The following DAB1 variants were observed in gnomAD, a reference collection of about 807,000 sequenced individuals.
DAB1 encodes DAB adaptor protein 1, also known as disabled homolog 1.
DAB1 carries 15 observed loss-of-function variants against 64.6 expected under a neutral mutation model. The ratio of observed to expected loss-of-function variants is 0.23; its 90% CI spans 0.16 to 0.36. The LOEUF (loss-of-function observed/expected upper bound fraction) is 0.36. Ranked by LOEUF, DAB1 falls within the 10% of genes least tolerant of loss-of-function variation. The pLI, the probability that DAB1 is intolerant of heterozygous loss-of-function variation, is 1.00. For synonymous variants in DAB1, 235 were observed against 251.9 expected, an observed-to-expected ratio of 0.93 and a Z score of 0.64; for missense variants, 596 against 706.7, an observed-to-expected ratio of 0.84 and a Z score of 1.78.
At chr1:58,406,780 T>C (rs1644620167) in intron 3 of DAB1, among the ~76,000 whole-genome samples, 2 of 150,748 alleles carry the variant, frequency 1.3e-5, no homozygotes, top group South Asian at 4.3e-4. Flanking sequence ...GTAAAGAATG[T>C]TTCTTAGTGG....
At chr1:57,019,901 C>T (rs549241724) in intron 11 of DAB1, among the ~76,000 whole-genome samples, 120 of 152,038 alleles carry the variant, frequency 7.9e-4, no homozygotes, top group Middle Eastern at 3.4e-3. Flanking sequence ...GGGGATGCCC[C>T]CATTATTTGA....
chr1:57,324,210 G>T lies in DAB1; in HGVS notation c.-136-33044C>A, dbSNP rs1218327398. 1.3e-5 allele frequency among the ~76,000 whole-genome samples: 2 copies of T among 152,322 alleles called. 1 individual carries two copies. Among genetic ancestry groups the T allele is most frequent in the Non-Finnish European group, 2.9e-5 (2 of 68,028 alleles). On this transcript the variant is annotated intron_variant, in intron 1 of 14. Transcript: ENST00000371236. The stretch of plus-strand genomic sequence containing the variant: ...GGGCTCCACCAGAGCCAGGTGAACC[G>T]TTAAGTGAACCAATCTAAACTTTAT...
At chr1:57,542,609 C>G (rs1570610949) in intron 7 of DAB1, among the ~76,000 whole-genome samples, 2 of 151,748 alleles carry the variant, frequency 1.3e-5, no homozygotes, top group Non-Finnish European at 2.9e-5. Flanking sequence ...GGCCAGAGAC[C>G]TTGGATTTAT....
chr1:57,677,079 T>G (rs1050527281), intron 6 of DAB1, among the ~76,000 whole-genome samples: 2 of 152,062 alleles, frequency 1.3e-5, no homozygotes, highest in African/African-American at 4.8e-5. Context: ...AGGAACAGTG[T>G]CCTTATAAGA....
chr1:58,499,531 A>C (rs2100401481), intron 3 of DAB1, among the ~76,000 whole-genome samples: 1 of 90,926 alleles, frequency 1.1e-5, no homozygotes, highest in African/African-American at 4.3e-5. Flanking sequence ...GATAGATATT[A>C]AAAAGTATAA....
intron 4 of DAB1, among the ~76,000 whole-genome samples, chr1:58,199,231 A>T (rs1353859250): frequency 6.6e-6 from 1 of 152,224 alleles, no homozygotes; most frequent in Non-Finnish European, 1.5e-5. Flanking sequence ...ACTGGTCTTG[A>T]TGATGTCTTG....
chr1:57,871,829 G>T (rs1643955083), intron 1 of DAB1, among the ~76,000 whole-genome samples: 1 of 152,132 alleles, frequency 6.6e-6, no homozygotes, highest in Non-Finnish European at 1.5e-5. Context: ...ATGGGTATGT[G>T]TGTATAAAAC....
Position 57,369,652 on chromosome 1 carries a change from G to T in DAB1, c.-137+54278C>A, listed in dbSNP as rs542996033. ...TCTTCAACAGTCTTGTACTCTCAGA[G>T]GTGGCACAACTTCTGAGCTTGGACT... On this transcript the variant is annotated intron_variant, in intron 1 of 14. Transcript: ENST00000371236. Among the ~76,000 whole-genome samples the T allele has an allele frequency of 2.0e-5, 3 of 152,244 alleles. No homozygotes were observed. In the East Asian group the frequency reaches 5.8e-4, roughly 29 times the overall value.
intron 4 of DAB1, chr1:58,228,706 G>A: frequency 8.8e-7 from 1 of 1,138,224 alleles, no homozygotes; most frequent in Non-Finnish European, 1.3e-6. Flanking sequence ...GCCTTGCCCT[G>A]GGGTTCTTGG....
At chr1:57,941,728 G>A (rs553747123) in intron 5 of DAB1, among the ~76,000 whole-genome samples, 12 of 152,150 alleles carry the variant, frequency 7.9e-5, no homozygotes, top group South Asian at 2.1e-4. Flanking sequence ...CCAGCTACTC[G>A]GGAGGCTGAG....
chr1:58,395,880 A>C (rs1425255654), intron 3 of DAB1, among the ~76,000 whole-genome samples: 3 of 152,204 alleles, frequency 2.0e-5, no homozygotes, highest in South Asian at 4.1e-4. Context: ...GGTGCTGATC[A>C]AATTTGTTAT....
intron 5 of DAB1, among the ~76,000 whole-genome samples, chr1:58,043,776 C>T (rs992310057): frequency 3.9e-5 from 6 of 152,178 alleles, no homozygotes; most frequent in African/African-American, 1.2e-4. Context: ...CACCCAGGCT[C>T]AAGTGCAGTG....
At chr1:57,896,333 CTATTAT>C (rs1644391319) in intron 5 of DAB1, among the ~76,000 whole-genome samples, 1 of 151,754 alleles carries the variant, frequency 6.6e-6, no homozygotes, top group Non-Finnish European at 1.5e-5. Context: ...ACTCTTATTA[CTATTAT>C]TATTACTGCT....
intron 7 of DAB1, among the ~76,000 whole-genome samples, chr1:57,501,884 A>G (rs534172743): frequency 3.5e-4 from 53 of 152,218 alleles, no homozygotes; most frequent in African/African-American, 1.3e-3. Flanking sequence ...ATGATTTTTA[A>G]AGTACTGGGG....
At chr1:58,323,929 A>AC (rs1316353511) in intron 4 of DAB1, among the ~76,000 whole-genome samples, 1 of 151,848 alleles carries the variant, frequency 6.6e-6, no homozygotes, top group Non-Finnish European at 1.5e-5. Flanking sequence ...CATCTCAAAA[A>AC]AAAAAAAAAA....
At chr1:57,769,875 G>T (rs1320767171) in intron 6 of DAB1, among the ~76,000 whole-genome samples, 3 of 152,044 alleles carry the variant, frequency 2.0e-5, no homozygotes, top group Admixed American at 6.6e-5. Context: ...CCCTTCTCCT[G>T]TGTCCTGAGG....
chr1:57,453,268 A>T (rs927224056), intron 7 of DAB1, among the ~76,000 whole-genome samples: 1 of 152,194 alleles, frequency 6.6e-6, no homozygotes, highest in African/African-American at 2.4e-5. Flanking sequence ...CCACCACTCG[A>T]ATTACAAGCA....
At position 57,086,537 on chromosome 1, in the gene DAB1, A is replaced by G. The variant is rs546153822; in HGVS notation, c.307-14123T>C. The stretch of plus-strand genomic sequence containing the variant: ...CAAAGTGTTTGTGAGCCGAAGATAA[A>G]TCCTGCCTCCCCTCACTGCCTAATC... On this transcript the variant is annotated intron_variant, in intron 4 of 14. Transcript: ENST00000371236. 3.3e-5 allele frequency among the ~76,000 whole-genome samples: 5 copies of G among 152,092 alleles called. No individual in the cohort carries two copies. In the South Asian group the frequency reaches 6.2e-4, roughly 19 times the overall value.
intron 2 of DAB1, among the ~76,000 whole-genome samples, chr1:57,151,321 G>A (rs565244608): frequency 3.3e-5 from 5 of 151,954 alleles, no homozygotes; most frequent in East Asian, 1.9e-4. Flanking sequence ...TACTATATAC[G>A]TGTTCTAAGG....
Sources: gnomAD v4.1 joint callset for allele counts (sites outside exome capture counted in the v4.1 genomes callset) on GRCh38, gnomAD v4.1.1 for gene constraint, MANE v1.5 for transcripts, NCBI Gene and HGNC (gene_info 2026-07-23, HGNC 2026-07-21) for gene names.